The following KYAT1 variants were observed in gnomAD, a reference collection of about 807,000 sequenced individuals.
KYAT1 encodes kynurenine aminotransferase 1.
Under a neutral mutation model 52.4 loss-of-function variants are expected in KYAT1, and 47 were observed. The ratio of observed to expected loss-of-function variants is 0.90; its 90% confidence interval spans 0.71 to 1.14. The LOEUF is 1.14. Among genes scored for constraint, KYAT1 ranks in the 50% most tolerant of loss-of-function variants. KYAT1 has a pLI of 0.00. For synonymous variants in KYAT1, 212 were observed against 209.6 expected, an observed-to-expected ratio of 1.01 and a Z score of -0.10; for missense variants, 480 against 557.9, an observed-to-expected ratio of 0.86 and a Z score of 1.41.
chr9:128,853,065 G>GATC (rs1380810088), intron 1 of KYAT1, among the ~76,000 whole-genome samples: 2 of 152,180 alleles, frequency 1.3e-5, no homozygotes, highest in Non-Finnish European at 2.9e-5. Context: ...ATTGTACTTA[G>GATC]ATCAAATGGC....
intron 1 of KYAT1, among the ~76,000 whole-genome samples, chr9:128,863,562 T>C (rs975489281): frequency 2.8e-5 from 3 of 108,802 alleles, no homozygotes; most frequent in South Asian, 3.3e-4. Flanking sequence ...TGTGAGCTTA[T>C]GGGTGTGGTG....
At chr9:128,836,163 C>A in intron 7 of KYAT1, 90 bp from the exon 8 acceptor site, 1 of 1,069,114 alleles carries the variant, frequency 9.4e-7, no homozygotes, top group Non-Finnish European at 1.4e-6. Flanking sequence ...CACGCATAGG[C>A]TTTTGACACC....
At chr9:128,862,973 C>T (rs373985527) in intron 1 of KYAT1, among the ~76,000 whole-genome samples, 21 of 152,138 alleles carry the variant, frequency 1.4e-4, no homozygotes, top group East Asian at 3.9e-4. Flanking sequence ...TACAGACGCG[C>T]GCTACCATGC....
intron 1 of KYAT1, among the ~76,000 whole-genome samples, chr9:128,869,061 A>T (rs1194811961): frequency 6.6e-6 from 1 of 151,772 alleles, no homozygotes; most frequent in Non-Finnish European, 1.5e-5. Flanking sequence ...GCTGGTCTCA[A>T]ATTTCTGGAC....
In KYAT1 at chr9:128,842,717, G is replaced by A. The variant is rs769172090; in HGVS notation, c.138C>T (p.Ala46=). 167 of 1,614,142 alleles carry A rather than the reference G, an allele frequency of 1.0e-4. 5 individuals are homozygous for A. In the South Asian group the frequency reaches 1.7e-3, roughly 16 times the overall value. ...GFPDFPPPDF[A]VEAFQHAVSG... ...TGACAGCGTGCTGAAAGGCTTCCAC[G>A]GCAAAGTCTGGTGGTGGGAAATCCG... is the stretch of plus-strand genomic sequence containing the variant. The change falls in exon 3 of 13, where the codon GCC becomes GCT. Residue 46 remains alanine (A), a synonymous_variant. Transcript: ENST00000302586.
intron 1 of KYAT1, among the ~76,000 whole-genome samples, chr9:128,857,283 A>C (rs548782610): frequency 5.9e-5 from 9 of 152,174 alleles, no homozygotes; most frequent in Non-Finnish European, 1.3e-4. Context: ...AATAATCAAT[A>C]AAAAGTGAGG....
At chr9:128,851,808 G>A (rs1453656031) in intron 1 of KYAT1, among the ~76,000 whole-genome samples, 1 of 152,180 alleles carries the variant, frequency 6.6e-6, no homozygotes, top group Non-Finnish European at 1.5e-5. Flanking sequence ...AACGCAAAGT[G>A]TTGACTACAA....
At chr9:128,840,655 A>G (rs1372041618) in intron 3 of KYAT1, 1 of 448,634 alleles carries the variant, frequency 2.2e-6, no homozygotes, top group Non-Finnish European at 4.5e-6. Context: ...GAACTTTCCA[A>G]CCAGCTCTGA....
chr9:128,845,420 G>A lies in KYAT1; in HGVS notation c.-6-9C>T, dbSNP rs752999915. Reference sequence around the variant, plus strand: ...TGTTTGGCCATGGCGAGCTGGAGACGAACAAGTGGAAGGTCAGAGATGGAA... The same window carrying A: ...TGTTTGGCCATGGCGAGCTGGAGACAAACAAGTGGAAGGTCAGAGATGGAA... On this transcript the variant is annotated splice_polypyrimidine_tract_variant and intron_variant, in intron 1 of 12. Transcript: ENST00000302586. The A allele has an allele frequency of 2.5e-6, 4 of 1,613,380 alleles. No homozygotes were observed. The highest frequency in any genetic ancestry group is 2.5e-6 in the Non-Finnish European group (3 of 1,179,820).
chr9:128,865,116 C>T (rs558433728), intron 1 of KYAT1, among the ~76,000 whole-genome samples: 2 of 147,810 alleles, frequency 1.4e-5, no homozygotes, highest in East Asian at 4.2e-4. Context: ...GTCCCAGCTA[C>T]TCGGGAGGCT....
At chr9:128,843,937 T>A (rs1317731858) in intron 2 of KYAT1, among the ~76,000 whole-genome samples, 8 of 152,186 alleles carry the variant, frequency 5.3e-5, no homozygotes, top group Non-Finnish European at 7.4e-5. Flanking sequence ...ACTGTGGGGA[T>A]AAGGAGTGGA....
At chr9:128,876,253 TAA>T (rs112331357) in intron 1 of KYAT1, among the ~76,000 whole-genome samples, 7 of 142,474 alleles carry the variant, frequency 4.9e-5, no homozygotes, top group South Asian at 2.2e-4. Context: ...TCTTTGCTTT[TAA>T]AAAAAAAAAA....
intron 10 of KYAT1, 30 bp from the exon 11 acceptor site, chr9:128,835,432 T>C (rs546763740): frequency 6.2e-7 from 1 of 1,613,742 alleles, no homozygotes; most frequent in East Asian, 2.2e-5. Flanking sequence ...CTGAGCCCCC[T>C]GCAGCCTCCA....
chr9:128,851,264 T>C (rs1445285051), intron 1 of KYAT1, among the ~76,000 whole-genome samples: 1 of 152,100 alleles, frequency 6.6e-6, no homozygotes, highest in Non-Finnish European at 1.5e-5. Context: ...GGGGCCTTTC[T>C]CCAGGGTGAA....
At chr9:128,859,522 G>T (rs1835155361) in intron 1 of KYAT1, among the ~76,000 whole-genome samples, 1 of 151,760 alleles carries the variant, frequency 6.6e-6, no homozygotes, top group Non-Finnish European at 1.5e-5. Context: ...ACAAAAATTA[G>T]CTGGGTGTGG....
intron 7 of KYAT1, 48 bp downstream of exon 7, chr9:128,836,753 GC>G: frequency 6.3e-7 from 1 of 1,596,782 alleles, no homozygotes. Flanking sequence ...TGGGGTCAAG[GC>G]CCTCCCACCA....
intron 7 of KYAT1, 102 bp downstream of exon 7, chr9:128,836,700 A>G: frequency 2.2e-6 from 3 of 1,374,352 alleles, no homozygotes; most frequent in Non-Finnish European, 3.0e-6. Flanking sequence ...GCAGGGCTCC[A>G]TAACCCTGGG....
intron 11 of KYAT1, 147 bp from the exon 12 acceptor site, chr9:128,833,973 C>A: frequency 1.5e-6 from 1 of 646,824 alleles, no homozygotes; most frequent in East Asian, 2.7e-5. Flanking sequence ...GTCAGAGGAA[C>A]AAGGCCAGGT....
intron 1 of KYAT1, among the ~76,000 whole-genome samples, chr9:128,848,635 T>C (rs979755222): frequency 1.3e-5 from 2 of 151,836 alleles, no homozygotes; most frequent in Non-Finnish European, 2.9e-5. Context: ...CTGGCCAACA[T>C]GCTAAAACCT....
Sources: allele counts gnomAD v4.1 joint callset (sites outside exome capture counted in the v4.1 genomes callset), GRCh38; gene constraint gnomAD v4.1.1; transcripts MANE v1.5; gene names NCBI Gene and HGNC (gene_info 2026-07-23, HGNC 2026-07-21).